Variants in SLC48A1 observed in about 807,000 individuals in gnomAD.
The protein encoded by SLC48A1 is solute carrier family 48 member 1, also known as heme transporter HRG1.
Under a neutral mutation model 14.8 loss-of-function variants are expected in SLC48A1, and 6 were observed. That is an observed-to-expected ratio of 0.41 (90% CI 0.22 to 0.80). The LOEUF (loss-of-function observed/expected upper bound fraction) is 0.80, where lower values mean the gene tolerates loss of function less well. Among genes scored for constraint, SLC48A1 ranks in the 30% least tolerant of loss-of-function variants. The pLI, the probability that SLC48A1 is intolerant of heterozygous loss-of-function variation, is 0.34. For missense variants in SLC48A1, 165 were observed against 204.8 expected (o/e 0.81, Z 1.19); for synonymous variants, 89 against 90.0 (o/e 0.99, Z 0.06).
rs200386709 is a variant in SLC48A1 at position 47,780,510 on chromosome 12, A to G, written c.*229A>G. On this transcript the variant is annotated 3_prime_UTR_variant, in exon 3 of 3. Coordinates refer to ENST00000442218, the MANE Select transcript of SLC48A1 (RefSeq NM_017842.3). ...CATGTTGCTCCTCATCAGCCTGGCC[A>G]GAGGGCAGCTTTAGACCTTTTCAAA... The G allele has an allele frequency of 3.9e-6, 3 of 776,344 alleles. No homozygotes were observed. The highest frequency in any genetic ancestry group is 7.2e-6 in the Non-Finnish European group (3 of 417,864). The allele number at this position is 776,344 out of a possible 1,614,324, so 48.1% of individuals were successfully genotyped here. A position where few individuals can be genotyped will look rare whatever the true frequency, so the allele number is the denominator to read the frequency against.
chr12:47,772,002 C>T (rs1044223741), upstream of SLC48A1, among the ~76,000 whole-genome samples: 2 of 151,838 alleles, frequency 1.3e-5, no homozygotes, highest in African/African-American at 4.8e-5. Context: ...ACCCTGATGT[C>T]CCCTTGATTT....
chr12:47,758,261 G>A (rs991780759), upstream of SLC48A1: 1 of 1,433,444 alleles, frequency 7.0e-7, no homozygotes, highest in African/African-American at 1.4e-5. Flanking sequence ...CTGCCGGTCT[G>A]GCGCACTTAG....
chr12:47,768,035 T>A (rs577662021), upstream of SLC48A1, among the ~76,000 whole-genome samples: 3 of 152,250 alleles, frequency 2.0e-5, no homozygotes, highest in Admixed American at 2.0e-4. Flanking sequence ...TGGAGTTGAG[T>A]GGTGCGATCT....
At chr12:47,775,710 TCTC>T (rs1187587931) in intron 1 of SLC48A1, among the ~76,000 whole-genome samples, 5 of 152,220 alleles carry the variant, frequency 3.3e-5, no homozygotes, top group African/African-American at 1.2e-4. Flanking sequence ...GCATGCTCCT[TCTC>T]CTGTGTTGGA....
At chr12:47,769,144 T>C (rs1942575603), upstream of SLC48A1, 1 of 152,238 alleles carries the variant, frequency 6.6e-6, no homozygotes, top group Admixed American at 6.5e-5. Flanking sequence ...CTTCATTCCA[T>C]TGTTCAGAAC....
rs1942671848 is a variant in SLC48A1, at chr12:47,773,455, T to G, written c.136+15T>G. 1.5e-6 allele frequency: 2 copies of G among 1,340,698 alleles called. No homozygotes were observed. Among genetic ancestry groups the G allele is most frequent in the South Asian group, 3.7e-5 (2 of 54,252 alleles). 83.1% of individuals were successfully genotyped at this position (1,340,698 alleles called of 1,614,324 possible). On this transcript the variant is annotated intron_variant, in intron 1 of 2. Coordinates refer to ENST00000442218, the MANE Select transcript of SLC48A1 (RefSeq NM_017842.3). ...AGGGCTCGCAGGTACCCCGGGACGC[T>G]GGGCGGCGCGGGGCGGGTGCGCGGC...
Position 47,777,166 on chromosome 12 carries a change from T to A in SLC48A1, c.137-1862T>A, listed in dbSNP as rs376435778. Among the ~76,000 whole-genome samples the A allele has an allele frequency of 5.3e-5, 8 of 152,234 alleles. No individual in the cohort carries two copies. In the East Asian group the frequency reaches 1.2e-3, roughly 22 times the overall value. ...AAGGTGGCTGGTATAAAAATCCAGA[T>A]CTTGTAGGAGGTAAGAGGAAGCTGC... On this transcript the variant is annotated intron_variant, in intron 1 of 2. Coordinates refer to ENST00000442218, the MANE Select transcript of SLC48A1 (RefSeq NM_017842.3). The surrounding 1 kb of genome is among the most constrained non-coding windows in gnomAD (Gnocchi z 4.5).
upstream of SLC48A1, chr12:47,757,741 C>T (rs548586918): frequency 2.2e-5 from 20 of 900,698 alleles, no homozygotes; most frequent in South Asian, 1.4e-4. Context: ...CCAGTGTCCA[C>T]GGCAGCTGTA....
intron 2 of SLC48A1, among the ~76,000 whole-genome samples, chr12:47,762,701 C>G (rs1167008826): frequency 2.6e-5 from 4 of 152,222 alleles, no homozygotes; most frequent in Non-Finnish European, 5.9e-5. Context: ...TTCCCAAGGT[C>G]ACACAGTTAA....
chr12:47,756,762 C>T (rs545165396), upstream of SLC48A1, among the ~76,000 whole-genome samples: 2 of 151,940 alleles, frequency 1.3e-5, no homozygotes, highest in East Asian at 1.9e-4. Flanking sequence ...CGAGGTCAAG[C>T]GATCAAGACC....
chr12:47,779,974 T>C lies in SLC48A1; in HGVS notation c.305-171T>C, dbSNP rs117601700. ...AAACCAGTCCCTGGTGCCAAAAAGG[T>C]TGGGGACCATGGCTCTAAAACCTCC... On this transcript the variant is annotated intron_variant, in intron 2 of 2. Coordinates refer to ENST00000442218, the MANE Select transcript of SLC48A1 (RefSeq NM_017842.3). Among the ~76,000 whole-genome samples, 25 of 152,324 alleles carry C rather than the reference T, an allele frequency of 1.6e-4. No homozygotes were observed. The East Asian group carries it at 4.8e-3, about 29-fold the overall frequency.
At chr12:47,759,648 C>T (rs1046088011) in intron 1 of SLC48A1, among the ~76,000 whole-genome samples, 1 of 152,250 alleles carries the variant, frequency 6.6e-6, no homozygotes, top group African/African-American at 2.4e-5. Flanking sequence ...TACCGAGGCT[C>T]CACGCCTCCC....
chr12:47,759,073 G>A (rs992041506), intron 1 of SLC48A1: 1 of 986,454 alleles, frequency 1.0e-6, no homozygotes, highest in African/African-American at 1.7e-5. Flanking sequence ...CCTGAGCCCA[G>A]AGTATCCCCA....
chr12:47,764,908 C>G (rs113120803), intron 2 of SLC48A1, among the ~76,000 whole-genome samples: 1 of 151,656 alleles, frequency 6.6e-6, no homozygotes, highest in African/African-American at 2.4e-5. Flanking sequence ...GAAACCCCAT[C>G]TCTACTACAG....
Position 47,779,193 on chromosome 12 carries a change from A to C in SLC48A1, c.302A>C (p.Gln101Pro). Residue 101 changes from glutamine (Q) to proline (P), a missense_variant and splice_region_variant, in exon 2 of 3, where the codon CAG becomes CCG. Gln to Pro is a moderately conservative substitution (Grantham distance 76). Transcript: ENST00000442218. ...CTCGTGCTGGCCATCACCCGGCATC[A>C]GAGTGAGGGCGGGTCCCAGGGAAAG... Reference protein sequence around the residue: ...TFLVLAITRHQSLTDPTSYYL... With the variant: ...TFLVLAITRHPSLTDPTSYYL... The C allele has an allele frequency of 6.4e-7, 1 of 1,551,004 alleles. No homozygotes were observed. The highest frequency in any genetic ancestry group is 8.7e-7 in the Non-Finnish European group (1 of 1,146,562).
At chr12:47,775,119 G>A (rs1942717241) in intron 1 of SLC48A1, among the ~76,000 whole-genome samples, 1 of 152,156 alleles carries the variant, frequency 6.6e-6, no homozygotes, top group South Asian at 2.1e-4. Flanking sequence ...TCATCTATTA[G>A]GAGTGGGAGG....
intron 1 of SLC48A1, among the ~76,000 whole-genome samples, chr12:47,775,386 G>A (rs1049279206): frequency 6.6e-6 from 1 of 152,208 alleles, no homozygotes; most frequent in Non-Finnish European, 1.5e-5. Flanking sequence ...CGCTAGGGCA[G>A]CAGCTCGCTA....
intron 2 of SLC48A1, among the ~76,000 whole-genome samples, chr12:47,764,512 T>C (rs1942467505): frequency 6.6e-6 from 1 of 152,220 alleles, no homozygotes; most frequent in African/African-American, 2.4e-5. Context: ...AGAGGGGTCC[T>C]AGCAGGGCCC....
chr12:47,760,245 C>T (rs768352456), exon 2 of SLC48A1: 20 of 985,320 alleles, frequency 2.0e-5, no homozygotes, highest in Admixed American at 6.1e-5. Flanking sequence ...CATTAAGAAA[C>T]GCTGGTGGAG....
Sources: allele counts gnomAD v4.1 joint callset (sites outside exome capture counted in the v4.1 genomes callset), GRCh38; gene constraint gnomAD v4.1.1; non-coding constraint Gnocchi (gnomAD v3.1); transcripts MANE v1.5; gene names NCBI Gene and HGNC (gene_info 2026-07-23, HGNC 2026-07-21).